Variants in DNAH17 observed in about 807,000 individuals in gnomAD.
DNAH17 encodes the protein dynein axonemal heavy chain 17.
In DNAH17, 376 loss-of-function variants were observed where a neutral mutation model predicts 485.6. That is an observed-to-expected ratio of 0.77 (90% CI 0.71 to 0.84). The LOEUF (loss-of-function observed/expected upper bound fraction) is 0.84, where lower values mean the gene tolerates loss of function less well. Ranked by LOEUF, DNAH17 falls within the 40% of genes least tolerant of loss-of-function variation. The pLI is 0.00. For synonymous variants in DNAH17, 3,031 were observed against 2,405.9 expected (o/e 1.26, Z -7.60); for missense variants, 6,370 against 5,839.3 (o/e 1.09, Z -2.96).
At chr17:78,441,967 C>G (rs866100319) in intron 71 of DNAH17, among the ~76,000 whole-genome samples, 5 of 152,026 alleles carry the variant, frequency 3.3e-5, no homozygotes, top group African/African-American at 4.8e-5. Context: ...CCTGTAATTC[C>G]AGCCACTTAG....
At position 78,505,345 on chromosome 17, in the gene DNAH17, C is replaced by T. The variant is rs1453456945; in HGVS notation, c.4904G>A (p.Ser1635Asn). The T allele has an allele frequency of 6.2e-7, 1 of 1,614,004 alleles. No homozygotes were observed. The highest frequency in any genetic ancestry group is 8.5e-7 in the Non-Finnish European group (1 of 1,179,890). ...KPLKVGLGMY[S>N]KEDEYMVFDQ... The stretch of plus-strand genomic sequence containing the variant: ...AAAAACCATGTACTCGTCCTCCTTG[C>T]TGTACATTCCCAGGCCCACCTTGAG... The change falls in exon 31 of 81, where the codon AGC becomes AAC. Residue 1635 changes from serine to asparagine, a missense_variant. By Grantham distance (46) the Ser-to-Asn change is conservative. Coordinates refer to ENST00000389840, the MANE Select transcript of DNAH17 (RefSeq NM_173628.4).
intron 50 of DNAH17, 122 bp downstream of exon 50, chr17:78,479,363 T>C: frequency 7.7e-7 from 1 of 1,298,912 alleles, no homozygotes; most frequent in Non-Finnish European, 1.0e-6. Context: ...CATAGCATCG[T>C]TTTTAAGATA....
intron 35 of DNAH17, chr17:78,500,901 G>T: frequency 3.3e-6 from 1 of 303,344 alleles, no homozygotes; most frequent in Non-Finnish European, 6.0e-6. Flanking sequence ...GGCATTCAGG[G>T]AGGTGGGCAC....
At chr17:78,494,541 G>A (rs1438663755) in intron 40 of DNAH17, 52 bp downstream of exon 40, 3 of 1,571,732 alleles carry the variant, frequency 1.9e-6, no homozygotes, top group African/African-American at 2.7e-5. Context: ...TGGGAAGGAA[G>A]CCCCAGCCAG....
At chr17:78,438,619 C>G (rs2086949048) in intron 73 of DNAH17, among the ~76,000 whole-genome samples, 1 of 150,878 alleles carries the variant, frequency 6.6e-6, no homozygotes, top group South Asian at 2.1e-4. Flanking sequence ...CTGCCTCAGC[C>G]TCCCAAGTAG....
intron 13 of DNAH17, among the ~76,000 whole-genome samples, chr17:78,559,991 A>G (rs955751156): frequency 6.6e-5 from 10 of 151,940 alleles, no homozygotes; most frequent in African/African-American, 1.9e-4. Flanking sequence ...TGCCCCTTCT[A>G]CCGGCTCTAT....
rs377171584 is a variant in DNAH17, at chr17:78,428,579, C to T, written c.12534G>A (p.Met4178Ile). The T allele has an allele frequency of 1.2e-6, 2 of 1,613,844 alleles. No homozygotes were observed. The highest frequency in any genetic ancestry group is 8.5e-7 in the Non-Finnish European group (1 of 1,179,884). ...CCCCCGAGTCCGTCTCTTTTGGCTG[C>T]ATTTCCAGGACAGTGCGGAACAGCT... Reference protein sequence around the residue: ...SEKLFRTVLEMQPKETDSGAG... With the variant: ...SEKLFRTVLEIQPKETDSGAG... Residue 4178 changes from methionine (M) to isoleucine (I), a missense_variant, in exon 77 of 81, where the codon ATG (methionine) becomes ATA (isoleucine). Physicochemically the swap from Met to Ile is conservative, Grantham distance 10. Coordinates refer to ENST00000389840, the MANE Select transcript of DNAH17 (RefSeq NM_173628.4).
At position 78,470,981 on chromosome 17, in the gene DNAH17, T is replaced by C. The variant is rs117008916; in HGVS notation, c.8512-2098A>G. Reference sequence around the variant, plus strand: ...GTAGGAATAGCTCGTTATTTTTGAATATGCCATTTCCATGTATATATATGT... The same window carrying C: ...GTAGGAATAGCTCGTTATTTTTGAACATGCCATTTCCATGTATATATATGT... On this transcript the variant is annotated intron_variant, in intron 54 of 80. Transcript: ENST00000389840. 6.6e-3 allele frequency among the ~76,000 whole-genome samples: 1,001 copies of C among 152,346 alleles called. 10 individuals carry two copies. The highest frequency in any genetic ancestry group is 9.7e-3 in the Non-Finnish European group (662 of 68,034).
chr17:78,523,134 G>A (rs2090976356), intron 25 of DNAH17, among the ~76,000 whole-genome samples: 1 of 151,892 alleles, frequency 6.6e-6, no homozygotes, highest in Admixed American at 6.6e-5. Context: ...GGGATTATAG[G>A]CATGAGCCAC....
intron 37 of DNAH17, among the ~76,000 whole-genome samples, chr17:78,498,468 G>T (rs1324413605): frequency 1.3e-5 from 2 of 152,208 alleles, no homozygotes; most frequent in Non-Finnish European, 2.9e-5. Flanking sequence ...TAACAAGTGG[G>T]GCCCACGCTG....
intron 26 of DNAH17, among the ~76,000 whole-genome samples, chr17:78,513,986 T>G (rs2090708035): frequency 6.6e-6 from 1 of 152,102 alleles, no homozygotes; most frequent in Admixed American, 6.6e-5. Flanking sequence ...AGCGTTCCTG[T>G]TAGCCTTCTG....
At position 78,451,464 on chromosome 17, in the gene DNAH17, A is replaced by G. The variant is rs374357572; in HGVS notation, c.10734+5T>C. Reference sequence around the variant, plus strand: ...CTCCCGTGTGACCAAACTTCAGGCCATTACCTTCAGCTGTTCCAGATCTGG... The same window carrying G: ...CTCCCGTGTGACCAAACTTCAGGCCGTTACCTTCAGCTGTTCCAGATCTGG... On this transcript the variant is annotated splice_donor_5th_base_variant and intron_variant, in intron 66 of 80. Transcript: ENST00000389840. 15 of 1,604,890 alleles carry G rather than the reference A, an allele frequency of 9.3e-6. No individual in the cohort carries two copies. The African/African-American group carries it at 1.6e-4, about 17-fold the overall frequency.
In DNAH17 at chr17:78,445,640, T is replaced by C. The variant is rs1351161467; in HGVS notation, c.11252A>G (p.Asp3751Gly). 6 of 1,574,006 alleles carry C rather than the reference T, an allele frequency of 3.8e-6. No homozygotes were observed. The highest frequency in any genetic ancestry group is 4.3e-6 in the Non-Finnish European group (5 of 1,159,838). Reference protein sequence around the residue: ...MKKELNPVELDFLLRFPFKAG... With the variant: ...MKKELNPVELGFLLRFPFKAG... ...CTTAAAAGGGAACCGCAGGAGGAAA[T>C]CCAGCTCCACTGGGTTCAGCTCCTT... is the stretch of plus-strand genomic sequence containing the variant. The change falls in exon 70 of 81, where the codon GAT becomes GGT. Residue 3751 changes from aspartate (D) to glycine (G), a missense_variant. By Grantham distance (94) the Asp-to-Gly change is moderately conservative. Transcript: ENST00000389840.
intron 3 of DNAH17, among the ~76,000 whole-genome samples, chr17:78,572,242 G>A (rs114601883): frequency 0.02 from 2,654 of 135,654 alleles, 72 homozygotes; most frequent in African/African-American, 0.074. Flanking sequence ...GGACACCTTG[G>A]AGTCCCTTGG....
chr17:78,444,502 G>A, intron 71 of DNAH17, 102 bp downstream of exon 71: 1 of 1,159,534 alleles, frequency 8.6e-7, no homozygotes, highest in South Asian at 1.6e-5. Flanking sequence ...AAAGTTCAGG[G>A]GATCAACTCA....
intron 16 of DNAH17, among the ~76,000 whole-genome samples, chr17:78,549,582 A>G (rs779561842): frequency 4.6e-5 from 7 of 152,208 alleles, no homozygotes; most frequent in Non-Finnish European, 7.3e-5. Context: ...GCACCAGGAG[A>G]AAGCAAATAC....
chr17:78,524,201 G>A (rs1281501234), intron 25 of DNAH17, among the ~76,000 whole-genome samples: 2 of 152,098 alleles, frequency 1.3e-5, no homozygotes, highest in East Asian at 3.8e-4. Context: ...ACAGTGGCAC[G>A]ATCTTGGCTC....
intron 14 of DNAH17, 148 bp downstream of exon 14, chr17:78,557,960 G>A (rs552942425): frequency 1.0e-6 from 1 of 996,836 alleles, no homozygotes; most frequent in South Asian, 1.8e-5. Flanking sequence ...CAGGTACTCA[G>A]TAAGTATGCA....
chr17:78,569,128 G>C, intron 9 of DNAH17, 38 bp downstream of exon 9: 1 of 1,505,512 alleles, frequency 6.6e-7, no homozygotes, highest in Non-Finnish European at 9.1e-7. Flanking sequence ...GAGCAGTCTG[G>C]GAAGTGGAGG....
Sources: gnomAD v4.1 joint callset for allele counts (sites outside exome capture counted in the v4.1 genomes callset) on GRCh38, gnomAD v4.1.1 for gene constraint, MANE v1.5 for transcripts, NCBI Gene and HGNC (gene_info 2026-07-23, HGNC 2026-07-21) for gene names.